ZBTB9: variants seen among roughly 807,000 people sequenced by gnomAD.
ZBTB9 encodes zinc finger and BTB domain containing 9, also known as zinc finger and BTB domain-containing protein 9.
ZBTB9 carries 17 observed loss-of-function variants against 26.3 expected under a neutral mutation model. The observed-to-expected ratio is 0.65, with a 90% confidence interval of 0.44 to 0.97. ZBTB9 has a LOEUF of 0.97. Among genes scored for constraint, ZBTB9 ranks in the 50% least tolerant of loss-of-function variants. ZBTB9 has a pLI of 0.00. For synonymous variants in ZBTB9, 226 were observed against 234.3 expected (o/e 0.96, Z 0.32); for missense variants, 510 against 594.2 (o/e 0.86, Z 1.47).
chr6:33,456,343 A>C lies in ZBTB9; in HGVS notation c.1243A>C (p.Ile415Leu). 1 of 1,614,124 alleles carries C rather than the reference A, an allele frequency of 6.2e-7. No homozygotes were observed. Among genetic ancestry groups the C allele is most frequent in the Non-Finnish European group, 8.5e-7 (1 of 1,180,040 alleles). Residue 415 changes from isoleucine (I) to leucine (L), a missense_variant, in exon 2 of 2, where the codon ATC (isoleucine) becomes CTC (leucine). Ile to Leu is a conservative substitution (Grantham distance 5). This residue lies in a region of ZBTB9 where 71 missense variants were observed against 133.8 expected (regional missense o/e 0.53). Transcript: ENST00000395064. The surrounding 1 kb of genome is among the most constrained non-coding windows in gnomAD (Gnocchi z 5.1). ...TFSLRPFGCG[I>L]CNKRFKLKHH... ...CAGCCTTCGGCCTTTTGGCTGTGGC[A>C]TCTGCAACAAGCGCTTCAAGCTGAA...
In ZBTB9 at chr6:33,455,478, A is replaced by C. The variant is rs751027327; in HGVS notation, c.378A>C (p.Gln126His). 14 of 1,614,114 alleles carry C rather than the reference A, an allele frequency of 8.7e-6. No homozygotes were observed. In the Admixed American group the frequency reaches 2.3e-4, roughly 27 times the overall value. The change falls in exon 2 of 2, where the codon CAA becomes CAC. Residue 126 changes from glutamine (Q) to histidine (H), a missense_variant. Gln to His is a conservative substitution (Grantham distance 24, BLOSUM62 0). Transcript: ENST00000395064. ...PAHLLVASGL[Q>H]MWQVVDQCSE... ...ATCTCCTTGTGGCCAGTGGCCTTCA[A>C]ATGTGGCAGGTAGTAGATCAGTGCT...
In ZBTB9 at chr6:33,455,061, CCTT is replaced by C; in HGVS notation, c.-37_-35del. On this transcript the variant is annotated 5_prime_UTR_variant, in exon 2 of 2. Transcript: ENST00000395064. ...TCCCGCGTGGAGTCTACCCCCAAGCCCTTCTCCTCTTCCCAATTCTTGTCACCT... is the reference window on the plus strand; with the variant it reads ...TCCCGCGTGGAGTCTACCCCCAAGCCCTCCTCTTCCCAATTCTTGTCACCT... 1.3e-6 allele frequency: 2 copies of C among 1,550,630 alleles called. No homozygotes were observed. The highest frequency in any genetic ancestry group is 1.7e-6 in the Non-Finnish European group (2 of 1,147,680).
chr6:33,454,603 C>G lies in ZBTB9; in HGVS notation c.-244C>G. ...CTTCCGGTCTGGGACGGAGCTGTAG[C>G]GGCACTGTAACTGCGAGGGCAGCGC... On this transcript the variant is annotated 5_prime_UTR_variant, in exon 1 of 2. Coordinates refer to ENST00000395064, the MANE Select transcript of ZBTB9 (RefSeq NM_152735.4). 5.9e-6 allele frequency: 1 copy of G among 169,946 alleles called. No homozygotes were observed. The highest frequency in any genetic ancestry group is 1.3e-5 in the Non-Finnish European group (1 of 79,452). 10.5% of individuals were successfully genotyped at this position (169,946 alleles called of 1,614,324 possible).
At position 33,457,192 on chromosome 6, in the gene ZBTB9, A is replaced by G. The variant is rs201980155; in HGVS notation, c.*670A>G. On this transcript the variant is annotated 3_prime_UTR_variant, in exon 2 of 2. Transcript: ENST00000395064. ...TTCTTTAATAGAGGGTCTTCCCTCA[A>G]CAGCCTGTGCCTCTGGTCTACCTTT... is the stretch of plus-strand genomic sequence containing the variant. 1 of 167,146 alleles carries G rather than the reference A, an allele frequency of 6.0e-6. No individual in the cohort carries two copies. The highest frequency in any genetic ancestry group is 6.5e-5 in the Admixed American group (1 of 15,290). The allele number at this position is 167,146 out of a possible 1,614,324, so 10.4% of individuals were successfully genotyped here.
rs771649899 is a variant in ZBTB9 at position 33,455,061 on chromosome 6, C to T, written c.-40C>T. On this transcript the variant is annotated 5_prime_UTR_variant, in exon 2 of 2. Coordinates refer to ENST00000395064, the MANE Select transcript of ZBTB9 (RefSeq NM_152735.4). ...TCCCGCGTGGAGTCTACCCCCAAGC[C>T]CTTCTCCTCTTCCCAATTCTTGTCA... The T allele has an allele frequency of 7.1e-6, 11 of 1,550,512 alleles. No homozygotes were observed. The Admixed American group carries it at 2.1e-4, about 30-fold the overall frequency.
chr6:33,455,227 CT>C lies in ZBTB9; in HGVS notation c.128del (p.Leu43GlnfsTer24). 6.2e-7 allele frequency: 1 copy of C among 1,614,200 alleles called. No individual in the cohort carries two copies. The highest frequency in any genetic ancestry group is 1.3e-5 in the African/African-American group (1 of 75,040). On this transcript the variant is annotated frameshift_variant, in exon 2 of 2. Transcript: ENST00000395064. LOFTEE classifies it low-confidence loss of function (END_TRUNC). The part of the protein sequence containing the change: ...SLLESLNRHR[L>X]EGKFCDVSLL... ...GCTGGAATCTCTGAACCGCCACAGG[CT>C]AGAGGGAAAGTTCTGTGATGTGTCC...
chr6:33,455,622 G>C lies in ZBTB9; in HGVS notation c.522G>C (p.Ser174=). 13 of 1,613,914 alleles carry C rather than the reference G, an allele frequency of 8.1e-6. No homozygotes were observed. Among genetic ancestry groups the C allele is most frequent in the Non-Finnish European group, 1.1e-5 (13 of 1,179,898 alleles). Residue 174 remains serine (S), a synonymous_variant, in exon 2 of 2, where the codon TCG becomes TCC. Coordinates refer to ENST00000395064, the MANE Select transcript of ZBTB9 (RefSeq NM_152735.4). ...SSTGGWCIRS[S]PFQTPVQSSA... is the part of the protein sequence containing the mutation. ...CAGGAGGCTGGTGCATTCGCTCTTC[G>C]CCTTTCCAGACCCCAGTACAGTCCT...
In ZBTB9 at chr6:33,455,911, G is replaced by A. The variant is rs770445844; in HGVS notation, c.811G>A (p.Glu271Lys). The A allele has an allele frequency of 4.3e-6, 7 of 1,613,054 alleles. No homozygotes were observed. In the South Asian group the frequency reaches 7.7e-5, roughly 18 times the overall value. ...KLPEGESAPL[E>K]LPAPPALPPK... The stretch of plus-strand genomic sequence containing the variant: ...TCCAGAGGGTGAGAGTGCACCACTT[G>A]AGCTTCCTGCCCCTCCTGCACTGCC... The change falls in exon 2 of 2, where the codon GAG (glutamate) becomes AAG (lysine). Residue 271 changes from glutamate (E) to lysine (K), a missense_variant. Transcript: ENST00000395064.
chr6:33,454,066 G>A (rs945331933), upstream of ZBTB9: 24 of 152,198 alleles, frequency 1.6e-4, no homozygotes, highest in Admixed American at 7.2e-4. Flanking sequence ...GAAAGAACCT[G>A]CCTGGTTCCT....
In ZBTB9 at chr6:33,455,803, C is replaced by T. The variant is rs770199787; in HGVS notation, c.703C>T (p.Pro235Ser). The change falls in exon 2 of 2, where the codon CCT becomes TCT. Residue 235 changes from proline to serine, a missense_variant. Around this residue, in one of 2 missense-constraint regions of ZBTB9, gnomAD observed 439 missense variants for 460.4 expected, o/e 0.95. Coordinates refer to ENST00000395064, the MANE Select transcript of ZBTB9 (RefSeq NM_152735.4). ...GGGGTCAGCCACACTCTCTCAGACT[C>T]CTCAGCCCCAGAGAGTATCAGGGGT... ...DQGSATLSQTPQPQRVSGVFP... is the reference protein window; with the variant it reads ...DQGSATLSQTSQPQRVSGVFP... The T allele has an allele frequency of 1.9e-6, 3 of 1,611,430 alleles. No homozygotes were observed. Among genetic ancestry groups the T allele is most frequent in the Admixed American group, 3.3e-5 (2 of 59,860 alleles).
chr6:33,453,271 A>T (rs2151216883), upstream of ZBTB9: 1 of 152,800 alleles, frequency 6.5e-6, no homozygotes, highest in African/African-American at 2.4e-5. Flanking sequence ...ATACTTATAT[A>T]AAAGTTGTAA....
chr6:33,456,052 A>C lies in ZBTB9; in HGVS notation c.952A>C (p.Thr318Pro), dbSNP rs1232197604. 1 of 1,613,972 alleles carries C rather than the reference A, an allele frequency of 6.2e-7. No homozygotes were observed. Among genetic ancestry groups the C allele is most frequent in the African/African-American group, 1.3e-5 (1 of 74,922 alleles). The change falls in exon 2 of 2, where the codon ACT becomes CCT. Residue 318 changes from threonine (T) to proline (P), a missense_variant. By Grantham distance (38) the Thr-to-Pro change is conservative. Around this residue, in one of 2 missense-constraint regions of ZBTB9, gnomAD observed 439 missense variants for 460.4 expected, o/e 0.95. Coordinates refer to ENST00000395064, the MANE Select transcript of ZBTB9 (RefSeq NM_152735.4). The surrounding 1 kb of genome is among the most constrained non-coding windows in gnomAD (Gnocchi z 5.1). ...EETKVFSGGD[T>P]EGNGELGFLL... ...AACCAAAGTGTTTTCTGGAGGGGAC[A>C]CTGAAGGGAATGGGGAGCTAGGGTT...
At position 33,455,831 on chromosome 6, in the gene ZBTB9, T is replaced by G. The variant is rs748550306; in HGVS notation, c.731T>G (p.Phe244Cys). 5.0e-6 allele frequency: 8 copies of G among 1,611,172 alleles called. No homozygotes were observed. Among genetic ancestry groups the G allele is most frequent in the Non-Finnish European group, 6.8e-6 (8 of 1,178,422 alleles). ...CAGCCCCAGAGAGTATCAGGGGTTT[T>G]TCCCCGTCCTCATGGACCCCACCCA... ...TPQPQRVSGV[F>C]PRPHGPHPLP... Residue 244 changes from phenylalanine to cysteine, a missense_variant, in exon 2 of 2, where the codon TTT becomes TGT. Transcript: ENST00000395064.
At chr6:33,454,921 G>A in intron 1 of ZBTB9, 109 bp from the exon 2 acceptor site, 3 of 929,466 alleles carry the variant, frequency 3.2e-6, no homozygotes, top group South Asian at 2.0e-5. Flanking sequence ...TGCAGAAACC[G>A]CCACTGACTT....
In ZBTB9 at chr6:33,455,272, GA is replaced by G. The variant is rs1326749049; in HGVS notation, c.174del (p.Glu58AspfsTer9). On this transcript the variant is annotated frameshift_variant, in exon 2 of 2. Coordinates refer to ENST00000395064, the MANE Select transcript of ZBTB9 (RefSeq NM_152735.4). LOFTEE classifies it high-confidence loss of function. ...TGTGTCCCTCCTGGTGCAGGGCCGG[GA>G]ACTTAGGGCTCATAAAGCAGTGTTA... ...CDVSLLVQGR[E>X]LRAHKAVLAA... is the part of the protein sequence containing the mutation. The G allele has an allele frequency of 6.2e-7, 1 of 1,614,178 alleles. No individual in the cohort carries two copies. The highest frequency in any genetic ancestry group is 8.5e-7 in the Non-Finnish European group (1 of 1,180,032).
chr6:33,456,298 C>G lies in ZBTB9; in HGVS notation c.1198C>G (p.Arg400Gly), dbSNP rs768478524. 6.2e-7 allele frequency: 1 copy of G among 1,613,416 alleles called. No individual in the cohort carries two copies. The stretch of plus-strand genomic sequence containing the variant: ...GTTTGCAGTGAAGCCAAAGCGTGAC[C>G]GGCACATCATGCTGACCTTCAGCCT... ...KRFAVKPKRDRHIMLTFSLRP... is the reference protein window; with the variant it reads ...KRFAVKPKRDGHIMLTFSLRP... Residue 400 changes from arginine to glycine, a missense_variant, in exon 2 of 2, where the codon CGG becomes GGG. By Grantham distance (125) the Arg-to-Gly change is moderately radical. This residue lies in a region of ZBTB9 where 71 missense variants were observed against 133.8 expected (regional missense o/e 0.53). Coordinates refer to ENST00000395064, the MANE Select transcript of ZBTB9 (RefSeq NM_152735.4). The surrounding 1 kb of genome is among the most constrained non-coding windows in gnomAD (Gnocchi z 5.1).
rs1201711268 is a variant in ZBTB9 at position 33,454,702 on chromosome 6, G to T, written c.-145G>T. 4.1e-6 allele frequency: 1 copy of T among 246,016 alleles called. No individual in the cohort carries two copies. The highest frequency in any genetic ancestry group is 2.2e-5 in the African/African-American group (1 of 44,654). The allele number at this position is 246,016 out of a possible 1,614,324, so 15.2% of individuals were successfully genotyped here. ...GGACTCGCGGTGTCCGGGTGACCGC[G>T]GCTTCCCGGGAGCAGACCTCTGTGG... On this transcript the variant is annotated 5_prime_UTR_variant, in exon 1 of 2. Coordinates refer to ENST00000395064, the MANE Select transcript of ZBTB9 (RefSeq NM_152735.4).
At position 33,456,407 on chromosome 6, in the gene ZBTB9, C is replaced by T. The variant is rs1761487961; in HGVS notation, c.1307C>T (p.Ala436Val). ...GAGCACATGAAGACCCATGCTGGAG[C>T]CCTGCATGCCTGTCCCCACTGTGGC... is the stretch of plus-strand genomic sequence containing the variant. ...LTEHMKTHAGALHACPHCGRR... is the reference protein window; with the variant it reads ...LTEHMKTHAGVLHACPHCGRR... Residue 436 changes from alanine (A) to valine (V), a missense_variant, in exon 2 of 2, where the codon GCC (alanine) becomes GTC (valine). This residue lies in a region of ZBTB9 where 71 missense variants were observed against 133.8 expected (regional missense o/e 0.53). Coordinates refer to ENST00000395064, the MANE Select transcript of ZBTB9 (RefSeq NM_152735.4). The surrounding 1 kb of genome is among the most constrained non-coding windows in gnomAD (Gnocchi z 5.1). 1.2e-6 allele frequency: 2 copies of T among 1,614,092 alleles called. No homozygotes were observed. Among genetic ancestry groups the T allele is most frequent in the African/African-American group, 1.3e-5 (1 of 74,946 alleles).
In ZBTB9 at chr6:33,456,893, C is replaced by T. The variant is rs951846112; in HGVS notation, c.*371C>T. 5 of 223,984 alleles carry T rather than the reference C, an allele frequency of 2.2e-5. No homozygotes were observed. Among genetic ancestry groups the T allele is most frequent in the Non-Finnish European group, 4.7e-5 (5 of 105,336 alleles). The allele number at this position is 223,984 out of a possible 1,614,324, so 13.9% of individuals were successfully genotyped here. ...AAAGACAGTGGTAAATGTTTTATTC[C>T]GTCTCCATGAGGAATTGAAGGAGTT... is the stretch of plus-strand genomic sequence containing the variant. On this transcript the variant is annotated 3_prime_UTR_variant, in exon 2 of 2. Coordinates refer to ENST00000395064, the MANE Select transcript of ZBTB9 (RefSeq NM_152735.4). This position sits in a 1 kb window ranked among gnomAD's most constrained non-coding sequence, Gnocchi z 5.1.
Sources: gnomAD v4.1 joint callset for allele counts on GRCh38, gnomAD v4.1.1 for gene constraint, gnomAD v4.1.1 regional missense constraint, Gnocchi (gnomAD v3.1) non-coding constraint, MANE v1.5 for transcripts, NCBI Gene and HGNC (gene_info 2026-07-23, HGNC 2026-07-21) for gene names.